PIBF1: variants seen among roughly 807,000 people sequenced by gnomAD.
The protein encoded by PIBF1 is progesterone immunomodulatory binding factor 1.
A neutral mutation model predicts 112.5 loss-of-function variants in PIBF1; 90 were observed. The observed-to-expected ratio is 0.80, with a 90% CI of 0.67 to 0.95. The LOEUF (loss-of-function observed/expected upper bound fraction) is 0.95. Ranked by LOEUF, PIBF1 falls within the 40% of genes least tolerant of loss-of-function variation. PIBF1 has a pLI of 0.00. For missense variants in PIBF1, 915 were observed against 852.3 expected (o/e 1.07, Z -0.92); for synonymous variants, 301 against 288.6 (o/e 1.04, Z -0.44).
At chr13:72,967,264 T>A (rs1476173213) in intron 15 of PIBF1, among the ~76,000 whole-genome samples, 1 of 152,136 alleles carries the variant, frequency 6.6e-6, no homozygotes, top group Non-Finnish European at 1.5e-5. Context: ...ATGTCTTATT[T>A]TACCATTATT....
intron 5 of PIBF1, among the ~76,000 whole-genome samples, chr13:72,801,490 G>T (rs576233780): frequency 1.3e-5 from 2 of 152,226 alleles, no homozygotes; most frequent in African/African-American, 4.8e-5. Context: ...ATCAAAGCAT[G>T]CATACACAGA....
intron 5 of PIBF1, among the ~76,000 whole-genome samples, chr13:72,821,399 G>A (rs2036551344): frequency 6.6e-6 from 1 of 152,144 alleles, no homozygotes; most frequent in Non-Finnish European, 1.5e-5. Flanking sequence ...GGAACTGCAT[G>A]TTTAATCTCT....
intron 9 of PIBF1, chr13:72,836,128 T>G: frequency 2.2e-6 from 1 of 453,698 alleles, no homozygotes; most frequent in South Asian, 1.6e-5. Flanking sequence ...GAAATATCAT[T>G]TTTATTCATG....
intron 11 of PIBF1, among the ~76,000 whole-genome samples, chr13:72,904,433 C>CTTTTTTTTGTTTTTTTTTTTTTTTTTTTT (rs2040611922): frequency 2.7e-5 from 1 of 36,558 alleles, no homozygotes; most frequent in Non-Finnish European, 4.6e-5. Flanking sequence ...CAAAATATTT[C>CTTTTTTTTGTTTTTTTTTTTTTTTTTTTT]TTTTTTTTTT....
At chr13:72,971,953 TAAAAA>T (rs57192140) in intron 15 of PIBF1, among the ~76,000 whole-genome samples, 1 of 146,688 alleles carries the variant, frequency 6.8e-6, no homozygotes, top group Admixed American at 6.8e-5. Flanking sequence ...TTTCTTGAAT[TAAAAA>T]AAAAAAAAAG....
intron 17 of PIBF1, 120 bp downstream of exon 17, chr13:72,999,115 A>C: frequency 3.2e-6 from 2 of 629,320 alleles, no homozygotes; most frequent in South Asian, 4.5e-5. Context: ...TGTTTCATGA[A>C]AAGACCTTGA....
rs1040265867 is a variant in PIBF1 at position 72,921,485 on chromosome 13, G to GAT, written c.1730+4331_1730+4332dup. Among the ~76,000 whole-genome samples the GAT allele has an allele frequency of 1.6e-3, 238 of 151,610 alleles. 1 individual carries two copies. The highest frequency in any genetic ancestry group is 1.3e-3 in the South Asian group (6 of 4,792). On this transcript the variant is annotated intron_variant, in intron 13 of 17. Coordinates refer to ENST00000326291, the MANE Select transcript of PIBF1 (RefSeq NM_006346.4). ...AAATAACCACTCGGAAATGTATACA[G>GAT]ATATATATATATACTTTCTTATTTA...
intron 8 of PIBF1, among the ~76,000 whole-genome samples, chr13:72,829,779 T>C (rs1273319167): frequency 6.6e-6 from 1 of 152,188 alleles, no homozygotes; most frequent in East Asian, 1.9e-4. Context: ...TTTGGTTCCA[T>C]ATGAAGTTTA....
chr13:72,865,852 T>G (rs1032453379), intron 10 of PIBF1, among the ~76,000 whole-genome samples: 1 of 152,186 alleles, frequency 6.6e-6, no homozygotes, highest in African/African-American at 2.4e-5. Flanking sequence ...TGTTCTCAAA[T>G]ATACACATCA....
chr13:73,016,026 A>G lies in PIBF1; in HGVS notation c.*107A>G, dbSNP rs1035214962. 1.7e-5 allele frequency: 8 copies of G among 461,802 alleles called. No individual in the cohort carries two copies. The highest frequency in any genetic ancestry group is 3.0e-5 in the Non-Finnish European group (8 of 265,686). The allele number at this position is 461,802 out of a possible 1,614,324, so 28.6% of individuals were successfully genotyped here. ...GTGTACTCAGCATTTTTTAAATAAC[A>G]ATGTTTATTTGAACTAATATTAAAT... On this transcript the variant is annotated 3_prime_UTR_variant, in exon 18 of 18. Transcript: ENST00000326291.
intron 17 of PIBF1, among the ~76,000 whole-genome samples, chr13:73,011,972 G>A (rs993969433): frequency 6.6e-6 from 1 of 152,116 alleles, no homozygotes; most frequent in African/African-American, 2.4e-5. Context: ...GAACAGATGG[G>A]CACTGTGAGC....
intron 13 of PIBF1, among the ~76,000 whole-genome samples, chr13:72,920,724 C>T (rs2041257371): frequency 6.6e-6 from 1 of 151,920 alleles, no homozygotes; most frequent in Non-Finnish European, 1.5e-5. Context: ...CAGTTTGAAG[C>T]TGTAGTACAC....
In PIBF1 at chr13:72,971,594, G is replaced by A. The variant is rs577316289; in HGVS notation, c.1965-1997G>A. ...CATTTAATTACTGTTTTACTCTGAT[G>A]CCTATTTTTTTATCTAAATTAGTAA... On this transcript the variant is annotated intron_variant, in intron 15 of 17. Coordinates refer to ENST00000326291, the MANE Select transcript of PIBF1 (RefSeq NM_006346.4). Among the ~76,000 whole-genome samples, 4 of 152,214 alleles carry A rather than the reference G, an allele frequency of 2.6e-5. No homozygotes were observed. In the East Asian group the frequency reaches 5.8e-4, roughly 22 times the overall value.
At chr13:72,898,399 A>G (rs1295914052) in intron 11 of PIBF1, among the ~76,000 whole-genome samples, 1 of 152,076 alleles carries the variant, frequency 6.6e-6, no homozygotes, top group Admixed American at 6.6e-5. Context: ...TCACACCTCA[A>G]GGAACTAGAG....
At chr13:72,865,518 T>C (rs2038889374) in intron 10 of PIBF1, among the ~76,000 whole-genome samples, 1 of 152,238 alleles carries the variant, frequency 6.6e-6, no homozygotes, top group Non-Finnish European at 1.5e-5. Context: ...CTGTTATCTT[T>C]TAAATATGCT....
chr13:73,001,229 A>ATTTTTAGT (rs2043856347), intron 17 of PIBF1, among the ~76,000 whole-genome samples: 1 of 152,146 alleles, frequency 6.6e-6, no homozygotes, highest in Non-Finnish European at 1.5e-5. Flanking sequence ...AGGCATCATA[A>ATTTTTAGT]TTTTTAGTTA....
chr13:72,996,268 T>TAA (rs374718365), intron 16 of PIBF1, among the ~76,000 whole-genome samples: 2,656 of 130,792 alleles, frequency 0.02, 63 homozygotes, highest in African/African-American at 0.041. Flanking sequence ...TTCAATATAT[T>TAA]AAAAAAAAAA....
At chr13:72,909,997 A>G (rs746865993) in intron 12 of PIBF1, among the ~76,000 whole-genome samples, 1 of 152,198 alleles carries the variant, frequency 6.6e-6, no homozygotes, top group Non-Finnish European at 1.5e-5. Context: ...TTCAAAAGTC[A>G]GATAACCATG....
chr13:72,981,680 A>G (rs937361956), intron 16 of PIBF1, among the ~76,000 whole-genome samples: 3 of 152,234 alleles, frequency 2.0e-5, no homozygotes, highest in Non-Finnish European at 4.4e-5. Context: ...CCAAGTTGAA[A>G]TGTTATGTAC....
Sources: allele counts gnomAD v4.1 joint callset (sites outside exome capture counted in the v4.1 genomes callset), GRCh38; gene constraint gnomAD v4.1.1; transcripts MANE v1.5; gene names NCBI Gene and HGNC (gene_info 2026-07-23, HGNC 2026-07-21).